AKR1E2: variants seen among roughly 807,000 people sequenced by gnomAD.
The protein encoded by AKR1E2 is aldo-keto reductase family 1 member E2.
AKR1E2 carries 43 observed loss-of-function variants against 41.9 expected under a neutral mutation model. The ratio of observed to expected loss-of-function variants is 1.03; its 90% CI spans 0.80 to 1.32. The LOEUF (loss-of-function observed/expected upper bound fraction) is 1.32. Among genes scored for constraint, AKR1E2 ranks in the 40% most tolerant of loss-of-function variants. AKR1E2 has a pLI of 0.00. For synonymous variants in AKR1E2, 121 were observed against 138.9 expected, an observed-to-expected ratio of 0.87 and a Z score of 0.91; for missense variants, 423 against 396.5, an observed-to-expected ratio of 1.07 and a Z score of -0.57.
downstream of AKR1E2, among the ~76,000 whole-genome samples, chr10:4,848,597 C>T (rs753336073): frequency 6.6e-6 from 1 of 152,210 alleles, no homozygotes; most frequent in Non-Finnish European, 1.5e-5. Context: ...GGTCTCTTCC[C>T]GCTTCTTGTG....
chr10:4,847,569 C>G lies in AKR1E2; in HGVS notation c.*39C>G, dbSNP rs774629199. 1.9e-6 allele frequency: 3 copies of G among 1,605,216 alleles called. No homozygotes were observed. Among genetic ancestry groups the G allele is most frequent in the South Asian group, 2.2e-5 (2 of 90,368 alleles). Reference sequence around the variant, plus strand: ...TCCTTGTTTCTGCTCAGCCCAGATGCACAGACACTATTGGCAATGTTGACC... The same window carrying G: ...TCCTTGTTTCTGCTCAGCCCAGATGGACAGACACTATTGGCAATGTTGACC... On this transcript the variant is annotated 3_prime_UTR_variant, in exon 10 of 10. Coordinates refer to ENST00000298375, the MANE Select transcript of AKR1E2 (RefSeq NM_001040177.3).
downstream of AKR1E2, among the ~76,000 whole-genome samples, chr10:4,850,426 T>A (rs568239213): frequency 6.6e-6 from 1 of 152,294 alleles, no homozygotes; most frequent in East Asian, 1.9e-4. Context: ...TGGATGGGCA[T>A]CAAATGGGCA....
intron 8 of AKR1E2, among the ~76,000 whole-genome samples, chr10:4,844,996 G>T (rs1834210225): frequency 1.3e-5 from 2 of 152,190 alleles, no homozygotes; most frequent in Admixed American, 1.3e-4. Flanking sequence ...TCCTGCTGCA[G>T]AGGAGCCCAC....
intron 6 of AKR1E2, 106 bp from the exon 7 acceptor site, chr10:4,841,679 G>C (rs1054977129): frequency 1.1e-6 from 1 of 871,146 alleles, no homozygotes; most frequent in Non-Finnish European, 1.7e-6. Flanking sequence ...CATGTGTCAT[G>C]ATCAGAAAAT....
chr10:4,870,657 CTT>C, the AKR1E2 span, among the ~76,000 whole-genome samples: 1 of 148,578 alleles, frequency 6.7e-6, no homozygotes, highest in African/African-American at 2.5e-5. Flanking sequence ...TATTTGAATT[CTT>C]TTTTTTTTCT....
At chr10:4,834,563 A>G (rs1372633195) in intron 3 of AKR1E2, among the ~76,000 whole-genome samples, 3 of 152,208 alleles carry the variant, frequency 2.0e-5, no homozygotes, top group African/African-American at 7.2e-5. Flanking sequence ...TACTTTACAC[A>G]TATTAACTCA....
In AKR1E2 at chr10:4,826,299, G is replaced by C. The variant is rs995073063; in HGVS notation, c.-26G>C. 6.5e-6 allele frequency: 8 copies of C among 1,232,012 alleles called. No homozygotes were observed. The African/African-American group carries it at 9.3e-5, about 14-fold the overall frequency. 76.3% of individuals were successfully genotyped at this position (1,232,012 alleles called of 1,614,324 possible). ...GTCGGTAGTCGCGTGCGGGGCGGCG[G>C]GGCGGCGGGGCGGCCGGCGGCGGCC... On this transcript the variant is annotated 5_prime_UTR_variant, in exon 1 of 10. Transcript: ENST00000298375.
At chr10:4,835,865 T>A in intron 4 of AKR1E2, 56 bp downstream of exon 4, 1 of 1,603,206 alleles carries the variant, frequency 6.2e-7, no homozygotes, top group Non-Finnish European at 8.5e-7. Context: ...CCACCCAGGA[T>A]GCAGTGAGCC....
Position 4,847,455 on chromosome 10 carries a change from T to C in AKR1E2, c.921-33T>C, listed in dbSNP as rs1457253054. The C allele has an allele frequency of 3.1e-6, 5 of 1,605,846 alleles. No individual in the cohort carries two copies. The South Asian group carries it at 5.5e-5, about 18-fold the overall frequency. On this transcript the variant is annotated intron_variant, in intron 9 of 9. Coordinates refer to ENST00000298375, the MANE Select transcript of AKR1E2 (RefSeq NM_001040177.3). The stretch of plus-strand genomic sequence containing the variant: ...TCTCTTAAAAAATAATCATTCTTTG[T>C]TCCTATTTTTGATTTGTTTTTCTGT...
chr10:4,870,667 T>C, the AKR1E2 span, among the ~76,000 whole-genome samples: 2 of 150,746 alleles, frequency 1.3e-5, no homozygotes, highest in African/African-American at 2.4e-5. Context: ...CTTTTTTTTT[T>C]CTATAGGTTA....
At chr10:4,854,735 G>A in the AKR1E2 span, among the ~76,000 whole-genome samples, 1 of 152,188 alleles carries the variant, frequency 6.6e-6, no homozygotes, top group Non-Finnish European at 1.5e-5. Flanking sequence ...ATGGGATTTG[G>A]TAGCAGGCCT....
Position 4,830,686 on chromosome 10 carries a change from G to A in AKR1E2, c.51G>A (p.Gly17=). The part of the protein sequence containing the change: ...VGLSSWKASP[G]KVTEAVKEAI... ...TGTTGGTTTTGCAGGCTTCTCCAGG[G>A]AAAGTGACCGAGGCAGTGAAAGAGG... is the stretch of plus-strand genomic sequence containing the variant. The change falls in exon 2 of 10, where the codon GGG becomes GGA. Residue 17 remains glycine, a synonymous_variant. Coordinates refer to ENST00000298375, the MANE Select transcript of AKR1E2 (RefSeq NM_001040177.3). 1 of 1,614,040 alleles carries A rather than the reference G, an allele frequency of 6.2e-7. No homozygotes were observed. Among genetic ancestry groups the A allele is most frequent in the Non-Finnish European group, 8.5e-7 (1 of 1,179,944 alleles).
At chr10:4,856,919 G>A in the AKR1E2 span, among the ~76,000 whole-genome samples, 1 of 149,202 alleles carries the variant, frequency 6.7e-6, no homozygotes, top group Non-Finnish European at 1.5e-5. Flanking sequence ...ACATTGTTGT[G>A]CAACCATCAC....
At chr10:4,830,270 A>G (rs974178393) in intron 1 of AKR1E2, among the ~76,000 whole-genome samples, 2 of 152,072 alleles carry the variant, frequency 1.3e-5, no homozygotes, top group South Asian at 2.1e-4. Flanking sequence ...TTCTTTTTGT[A>G]TGGATACCTT....
At chr10:4,839,247 A>G (rs923043870) in intron 5 of AKR1E2, among the ~76,000 whole-genome samples, 4 of 152,220 alleles carry the variant, frequency 2.6e-5, no homozygotes, top group African/African-American at 4.8e-5. Context: ...CACTTCCTAC[A>G]TGTCTAGATT....
chr10:4,871,373 C>T, the AKR1E2 span, among the ~76,000 whole-genome samples: 1 of 151,894 alleles, frequency 6.6e-6, no homozygotes, highest in South Asian at 2.1e-4. Flanking sequence ...TGATAAGTAA[C>T]TTTTAAAATT....
chr10:4,853,473 A>G, the AKR1E2 span, among the ~76,000 whole-genome samples: 2 of 152,008 alleles, frequency 1.3e-5, no homozygotes, highest in Admixed American at 1.3e-4. Flanking sequence ...ACTCTGTAAA[A>G]TATCTGAAGA....
intron 8 of AKR1E2, among the ~76,000 whole-genome samples, chr10:4,846,580 C>G (rs1183065916): frequency 1.3e-5 from 2 of 150,504 alleles, no homozygotes; most frequent in African/African-American, 4.9e-5. Flanking sequence ...GAGTCTCACT[C>G]TGTCATCCAA....
At chr10:4,861,318 C>A in the AKR1E2 span, among the ~76,000 whole-genome samples, 1 of 152,176 alleles carries the variant, frequency 6.6e-6, no homozygotes, top group Admixed American at 6.5e-5. Flanking sequence ...AGCACATTAG[C>A]AAATATAGAA....
Sources: gnomAD v4.1 joint callset for allele counts (sites outside exome capture counted in the v4.1 genomes callset) on GRCh38, gnomAD v4.1.1 for gene constraint, MANE v1.5 for transcripts, NCBI Gene and HGNC (gene_info 2026-07-23, HGNC 2026-07-21) for gene names.